ZNF385D: variants seen among roughly 807,000 people sequenced by gnomAD.
ZNF385D encodes zinc finger protein 385D.
ZNF385D carries 15 observed loss-of-function variants against 35.8 expected under a neutral mutation model. The ratio of observed to expected loss-of-function variants is 0.42; its 90% CI spans 0.28 to 0.64. The LOEUF (loss-of-function observed/expected upper bound fraction) is 0.64, where lower values mean the gene tolerates loss of function less well. Among genes scored for constraint, ZNF385D ranks in the 30% least tolerant of loss-of-function variants. The probability of loss-of-function intolerance (pLI) is 0.23; values close to 1 mark genes in which losing one functional copy is unlikely to be tolerated. For missense variants in ZNF385D, 474 were observed against 494.6 expected (o/e 0.96, Z 0.39); for synonymous variants, 212 against 186.8 (o/e 1.13, Z -1.10).
chr3:21,623,273 G>T (rs192345646), intron 2 of ZNF385D, among the ~76,000 whole-genome samples: 1 of 152,012 alleles, frequency 6.6e-6, no homozygotes, highest in African/African-American at 2.4e-5. Flanking sequence ...CTATTTTATC[G>T]TAAGTCATAA....
At chr3:22,369,564 A>G (rs1395541250) in intron 2 of ZNF385D, among the ~76,000 whole-genome samples, 2 of 152,220 alleles carry the variant, frequency 1.3e-5, no homozygotes, top group Admixed American at 6.5e-5. Context: ...AATGAAACAT[A>G]GTAAATTATC....
intron 2 of ZNF385D, among the ~76,000 whole-genome samples, chr3:22,228,415 G>A (rs1169447630): frequency 6.6e-6 from 1 of 152,120 alleles, no homozygotes; most frequent in Non-Finnish European, 1.5e-5. Context: ...AGGAAACCTG[G>A]AGAGACCTTC....
intron 3 of ZNF385D, among the ~76,000 whole-genome samples, chr3:21,920,411 C>T (rs1270018889): frequency 6.6e-6 from 1 of 152,084 alleles, no homozygotes; most frequent in African/African-American, 2.4e-5. Context: ...GAATATGTTA[C>T]ATTTTATTTA....
intron 3 of ZNF385D, among the ~76,000 whole-genome samples, chr3:22,024,613 A>C (rs1208741052): frequency 1.6e-4 from 25 of 152,088 alleles, no homozygotes; most frequent in Admixed American, 1.5e-3. Flanking sequence ...AGTATCATTA[A>C]CTTCTAATTG....
intron 3 of ZNF385D, among the ~76,000 whole-genome samples, chr3:21,911,486 T>A (rs1172395208): frequency 6.6e-6 from 1 of 151,934 alleles, no homozygotes; most frequent in African/African-American, 2.4e-5. Context: ...GTTATACAAA[T>A]TCTAAAGGTT....
intron 2 of ZNF385D, among the ~76,000 whole-genome samples, chr3:22,368,082 C>T (rs534437024): frequency 6.6e-6 from 1 of 152,272 alleles, no homozygotes; most frequent in East Asian, 1.9e-4. Context: ...TACATGCTGG[C>T]TTGTTTTGGT....
intron 2 of ZNF385D, among the ~76,000 whole-genome samples, chr3:22,245,319 G>A (rs376475115): frequency 6.6e-6 from 1 of 151,980 alleles, no homozygotes; most frequent in African/African-American, 2.4e-5. Flanking sequence ...CCATATGACA[G>A]AAGTGTCCTG....
At chr3:22,109,330 G>C (rs1276892841) in intron 3 of ZNF385D, among the ~76,000 whole-genome samples, 1 of 152,010 alleles carries the variant, frequency 6.6e-6, no homozygotes, top group East Asian at 1.9e-4. Flanking sequence ...GAACATATAA[G>C]GATACATACA....
intron 2 of ZNF385D, among the ~76,000 whole-genome samples, chr3:22,190,633 A>C (rs943613655): frequency 1.3e-5 from 2 of 152,204 alleles, no homozygotes; most frequent in African/African-American, 4.8e-5. Context: ...CGTCTGGAGT[A>C]ATCTGGTATT....
rs951751818 is a variant in ZNF385D at position 21,891,021 on chromosome 3, G to T, written c.326-225993C>A. Among the ~76,000 whole-genome samples the T allele has an allele frequency of 2.6e-5, 4 of 152,108 alleles. No homozygotes were observed. In the East Asian group the frequency reaches 7.7e-4, roughly 29 times the overall value. ...CCCACTTGGAACTGGACTAATACAG[G>T]TTTGGATTTTACCTTTGACAATAGT... On this transcript the variant is annotated intron_variant, in intron 3 of 5. Transcript: ENST00000494108.
At chr3:22,210,136 C>T (rs2125258937) in intron 2 of ZNF385D, among the ~76,000 whole-genome samples, 1 of 151,876 alleles carries the variant, frequency 6.6e-6, no homozygotes, top group Admixed American at 6.6e-5. Flanking sequence ...GTGTGGAAGG[C>T]AAGTGAAAGA....
At chr3:21,962,896 C>T (rs1195842431) in intron 3 of ZNF385D, among the ~76,000 whole-genome samples, 2 of 152,142 alleles carry the variant, frequency 1.3e-5, no homozygotes, top group Non-Finnish European at 2.9e-5. Context: ...GTCACCATTA[C>T]TCTAATATGT....
At position 22,019,859 on chromosome 3, in the gene ZNF385D, G is replaced by A. The variant is rs568990676; in HGVS notation, c.325+148958C>T. 2.6e-5 allele frequency among the ~76,000 whole-genome samples: 4 copies of A among 151,694 alleles called. No individual in the cohort carries two copies. The South Asian group carries it at 8.3e-4, about 31-fold the overall frequency. The stretch of plus-strand genomic sequence containing the variant: ...GATAGAGCATTAAACCAAGCACAGG[G>A]TCCTCTATGTATAAAGTCTCTAAGA... On this transcript the variant is annotated intron_variant, in intron 3 of 5. Transcript: ENST00000494108.
chr3:22,226,083 T>G (rs545945247), intron 2 of ZNF385D, among the ~76,000 whole-genome samples: 1 of 152,078 alleles, frequency 6.6e-6, no homozygotes, highest in Non-Finnish European at 1.5e-5. Flanking sequence ...AGAAACTATA[T>G]GTGGAAAAGA....
chr3:22,118,673 T>G (rs1188315554), intron 3 of ZNF385D, among the ~76,000 whole-genome samples: 1 of 152,094 alleles, frequency 6.6e-6, no homozygotes, highest in South Asian at 2.1e-4. Context: ...TCTCGATGGT[T>G]AAGACAAACA....
At chr3:22,221,738 G>C (rs924069620) in intron 2 of ZNF385D, among the ~76,000 whole-genome samples, 9 of 152,066 alleles carry the variant, frequency 5.9e-5, no homozygotes, top group Non-Finnish European at 1.5e-5. Context: ...AAATTACAGA[G>C]TATTTGTACA....
intron 3 of ZNF385D, among the ~76,000 whole-genome samples, chr3:21,916,752 G>C (rs1298673821): frequency 6.6e-6 from 1 of 152,108 alleles, no homozygotes; most frequent in African/African-American, 2.4e-5. Context: ...TTTGATATTT[G>C]GGCTATTTTT....
chr3:22,153,496 C>G (rs1448341257), intron 3 of ZNF385D, among the ~76,000 whole-genome samples: 1 of 137,320 alleles, frequency 7.3e-6, no homozygotes, highest in Admixed American at 7.8e-5. Context: ...GACAGAGTCT[C>G]TCTGTCACCC....
At chr3:22,005,016 A>T (rs1201866081) in intron 3 of ZNF385D, among the ~76,000 whole-genome samples, 1 of 139,136 alleles carries the variant, frequency 7.2e-6, no homozygotes, top group Non-Finnish European at 1.5e-5. Context: ...CCTGCCTTAG[A>T]TATTTGGGGT....
Sources: gnomAD v4.1 joint callset for allele counts (sites outside exome capture counted in the v4.1 genomes callset) on GRCh38, gnomAD v4.1.1 for gene constraint, MANE v1.5 for transcripts, NCBI Gene and HGNC (gene_info 2026-07-23, HGNC 2026-07-21) for gene names.